Variants in BRD9 observed in about 807,000 individuals in gnomAD.
The protein encoded by BRD9 is bromodomain containing 9.
A neutral mutation model predicts 68.7 loss-of-function variants in BRD9; 47 were observed. The observed-to-expected ratio is 0.68, with a 90% confidence interval of 0.54 to 0.87. The LOEUF (loss-of-function observed/expected upper bound fraction) is 0.87, where lower values mean the gene tolerates loss of function less well. Among genes scored for constraint, BRD9 ranks in the 40% least tolerant of loss-of-function variants. The pLI is 0.00. For synonymous variants in BRD9, 313 were observed against 293.9 expected (o/e 1.06, Z -0.67); for missense variants, 670 against 748.4 (o/e 0.90, Z 1.22).
At chr5:884,142 A>G in intron 7 of BRD9, 72 bp from the exon 8 acceptor site, 1 of 1,572,614 alleles carries the variant, frequency 6.4e-7, no homozygotes, top group Non-Finnish European at 8.6e-7. Flanking sequence ...ATGCGTCGGC[A>G]CCTAACCCAG....
At position 887,378 on chromosome 5, in the gene BRD9, A is replaced by G; in HGVS notation, c.700T>C (p.Phe234Leu). The G allele has an allele frequency of 6.2e-7, 1 of 1,613,152 alleles. No homozygotes were observed. Among genetic ancestry groups the G allele is most frequent in the Non-Finnish European group, 8.5e-7 (1 of 1,179,126 alleles). ...KLAKKILHAG[F>L]KMMSKQAALL... ...TTTCTTACTTTGCTCATCATCTTAAAGCCTGCGTGAAGGATCTTCTTCGCC... is the reference window on the plus strand; with the variant it reads ...TTTCTTACTTTGCTCATCATCTTAAGGCCTGCGTGAAGGATCTTCTTCGCC... Residue 234 changes from phenylalanine (F) to leucine (L), a missense_variant, in exon 6 of 16, where the codon TTT becomes CTT. By Grantham distance (22) the Phe-to-Leu change is conservative. Coordinates refer to ENST00000467963, the MANE Select transcript of BRD9 (RefSeq NM_023924.5).
Position 892,680 on chromosome 5 carries a change from AGGCGGGGGCTGG to A in BRD9, c.-35_-24del. 2 of 1,398,558 alleles carry A rather than the reference AGGCGGGGGCTGG, an allele frequency of 1.4e-6. No individual in the cohort carries two copies. The highest frequency in any genetic ancestry group is 1.9e-6 in the Non-Finnish European group (2 of 1,075,258). The allele number at this position is 1,398,558 out of a possible 1,614,324, so 86.6% of individuals were successfully genotyped here. ...CATGGCGGCGCCGGCGGCGGGCCCGAGGCGGGGGCTGGGAACAGCTGGCACCCGGTCGGACCT... is the reference window on the plus strand; with the variant it reads ...CATGGCGGCGCCGGCGGCGGGCCCGAGAACAGCTGGCACCCGGTCGGACCT... On this transcript the variant is annotated 5_prime_UTR_variant, in exon 1 of 16. Transcript: ENST00000467963.
intron 7 of BRD9, among the ~76,000 whole-genome samples, chr5:884,271 A>T (rs1303300403): frequency 3.3e-5 from 5 of 152,236 alleles, no homozygotes; most frequent in African/African-American, 1.2e-4. Flanking sequence ...TTATTAAAAT[A>T]AAGGGTAAGT....
Position 878,228 on chromosome 5 carries a change from A to T in BRD9, c.1271+127T>A, listed in dbSNP as rs922824174. 5 of 1,360,498 alleles carry T rather than the reference A, an allele frequency of 3.7e-6. No homozygotes were observed. In the African/African-American group the frequency reaches 7.2e-5, roughly 20 times the overall value. 84.3% of individuals were successfully genotyped at this position (1,360,498 alleles called of 1,614,324 possible). ...ATGACTGAAAGCAACGGGAAGACCCAGGCTGCCATATGGACGGCTGCAAGA... is the reference window on the plus strand; with the variant it reads ...ATGACTGAAAGCAACGGGAAGACCCTGGCTGCCATATGGACGGCTGCAAGA... On this transcript the variant is annotated intron_variant, in intron 11 of 15. Transcript: ENST00000467963.
intron 3 of BRD9, 125 bp downstream of exon 3, chr5:891,030 G>A: frequency 8.0e-7 from 1 of 1,252,678 alleles, no homozygotes; most frequent in Admixed American, 2.9e-5. Flanking sequence ...CTGGGATGAG[G>A]CCCTGGAAAT....
At chr5:878,236 A>G in intron 11 of BRD9, 119 bp downstream of exon 11, 4 of 1,431,918 alleles carry the variant, frequency 2.8e-6, no homozygotes, top group Non-Finnish European at 2.9e-6. Flanking sequence ...CCAGGCTGCC[A>G]TATGGACGGC....
At chr5:877,496 G>C (rs1156619990) in intron 11 of BRD9, among the ~76,000 whole-genome samples, 2 of 152,188 alleles carry the variant, frequency 1.3e-5, no homozygotes, top group African/African-American at 4.8e-5. Context: ...ATAAAATGAA[G>C]ACCTGATATG....
At chr5:876,007 C>T (rs1402441976) in intron 12 of BRD9, 94 bp downstream of exon 12, 9 of 831,196 alleles carry the variant, frequency 1.1e-5, no homozygotes, top group Non-Finnish European at 1.5e-5. Context: ...GCGACAGCTC[C>T]TCGTCCCCGA....
At chr5:876,574 C>T (rs1400772776) in intron 11 of BRD9, among the ~76,000 whole-genome samples, 1 of 152,214 alleles carries the variant, frequency 6.6e-6, no homozygotes, top group African/African-American at 2.4e-5. Context: ...TGGGCAGTGC[C>T]TGCCGGTGAG....
intron 3 of BRD9, 50 bp downstream of exon 3, chr5:891,105 A>G (rs750178948): frequency 1.5e-5 from 23 of 1,496,130 alleles, no homozygotes; most frequent in Non-Finnish European, 1.8e-6. Context: ...CCCCTCATTT[A>G]CAACGATGAG....
Position 878,306 on chromosome 5 carries a change from A to G in BRD9, c.1271+49T>C, listed in dbSNP as rs73733934. ...GGGACTCCACGTCCCACACCAGGGCACAGCTCAAGCTGCACAGCAGCCAAG... is the reference window on the plus strand; with the variant it reads ...GGGACTCCACGTCCCACACCAGGGCGCAGCTCAAGCTGCACAGCAGCCAAG... On this transcript the variant is annotated intron_variant, in intron 11 of 15. Coordinates refer to ENST00000467963, the MANE Select transcript of BRD9 (RefSeq NM_023924.5). The G allele has an allele frequency of 0.011, 14,501 of 1,377,668 alleles. 652 individuals are homozygous for G. In the African/African-American group the frequency reaches 0.16, roughly 15 times the overall value. The allele number at this position is 1,377,668 out of a possible 1,614,324, so 85.3% of individuals were successfully genotyped here. A position where few individuals can be genotyped will look rare whatever the true frequency, so the allele number is the denominator to read the frequency against.
chr5:883,461 G>C, intron 8 of BRD9: 1 of 456,626 alleles, frequency 2.2e-6, no homozygotes, highest in Non-Finnish European at 4.4e-6. Flanking sequence ...CTGCCAGAAA[G>C]GAGAGCGTGG....
chr5:877,936 A>G (rs927650042), intron 11 of BRD9, among the ~76,000 whole-genome samples: 1 of 152,138 alleles, frequency 6.6e-6, no homozygotes, highest in South Asian at 2.1e-4. Context: ...AGACGGAAAG[A>G]CGGCACCTGC....
chr5:891,562 C>G lies in BRD9; in HGVS notation c.267+78G>C, dbSNP rs1221133475. On this transcript the variant is annotated intron_variant, in intron 2 of 15. Transcript: ENST00000467963. ...CCCCTCCTCCAGCCACGCAGGCGCACTCTGCCTGGGTCCTGGGACCAGGCT... is the reference window on the plus strand; with the variant it reads ...CCCCTCCTCCAGCCACGCAGGCGCAGTCTGCCTGGGTCCTGGGACCAGGCT... 14 of 1,509,658 alleles carry G rather than the reference C, an allele frequency of 9.3e-6. No individual in the cohort carries two copies. The East Asian group carries it at 1.7e-4, about 19-fold the overall frequency. 93.5% of individuals were successfully genotyped at this position (1,509,658 alleles called of 1,614,324 possible). A position where few individuals can be genotyped will look rare whatever the true frequency, so the allele number is the denominator to read the frequency against.
At chr5:865,703 C>CT in intron 14 of BRD9, 122 bp from the exon 15 acceptor site, 4 of 1,130,938 alleles carry the variant, frequency 3.5e-6, no homozygotes, top group Non-Finnish European at 5.0e-6. Context: ...GCTCTGGAAA[C>CT]TGAGTGGACG....
At chr5:873,668 G>A (rs547808775) in intron 12 of BRD9, among the ~76,000 whole-genome samples, 4 of 152,144 alleles carry the variant, frequency 2.6e-5, no homozygotes, top group African/African-American at 4.8e-5. Flanking sequence ...CTTGCTTGGC[G>A]CCCTGCAAAT....
In BRD9 at chr5:864,588, G is replaced by A; in HGVS notation, c.1694-20C>T. The A allele has an allele frequency of 1.2e-6, 2 of 1,607,928 alleles. No individual in the cohort carries two copies. Among genetic ancestry groups the A allele is most frequent in the South Asian group, 1.1e-5 (1 of 90,934 alleles). The stretch of plus-strand genomic sequence containing the variant: ...GGCTTCCTGCAATTTTCAGAACACA[G>A]GACTTCAACACACAGGACAGACCCG... On this transcript the variant is annotated intron_variant, in intron 15 of 15. Coordinates refer to ENST00000467963, the MANE Select transcript of BRD9 (RefSeq NM_023924.5).
Position 886,653 on chromosome 5 carries a change from C to G in BRD9, c.772G>C (p.Val258Leu), listed in dbSNP as rs1232950495. 6.2e-7 allele frequency: 1 copy of G among 1,614,094 alleles called. No homozygotes were observed. Among genetic ancestry groups the G allele is most frequent in the Non-Finnish European group, 8.5e-7 (1 of 1,180,028 alleles). Reference sequence around the variant, plus strand: ...GCAGTTTCTACTTGTACTGGTACAACTTCAGGGACAGGTTCCTCAACAGCT... The same window carrying G: ...GCAGTTTCTACTTGTACTGGTACAAGTTCAGGGACAGGTTCCTCAACAGCT... ...DTAVEEPVPE[V>L]VPVQVETAKK... The change falls in exon 7 of 16, where the codon GTT (valine) becomes CTT (leucine). Residue 258 changes from valine (V) to leucine (L), a missense_variant. Val to Leu is a conservative substitution (Grantham distance 32). Coordinates refer to ENST00000467963, the MANE Select transcript of BRD9 (RefSeq NM_023924.5).
rs753666729 is a variant in BRD9 at position 884,069 on chromosome 5, A to G, written c.835T>C (p.Cys279Arg). 3.1e-6 allele frequency: 5 copies of G among 1,612,888 alleles called. No individual in the cohort carries two copies. Among genetic ancestry groups the G allele is most frequent in the Non-Finnish European group, 4.2e-6 (5 of 1,179,682 alleles). Residue 279 changes from cysteine (C) to arginine (R), a missense_variant and splice_region_variant, in exon 8 of 16, where the codon TGC (cysteine) becomes CGC (arginine). By Grantham distance (180) the Cys-to-Arg change is radical. Coordinates refer to ENST00000467963, the MANE Select transcript of BRD9 (RefSeq NM_023924.5). ...SKKPSREVIS[C>R]MFEPEGNACS... is the part of the protein sequence containing the mutation. ...GCATTCCCTTCAGGCTCAAACATGCAGCTGTGAGGTGGGGACAACCAAGTC... is the reference window on the plus strand; with the variant it reads ...GCATTCCCTTCAGGCTCAAACATGCGGCTGTGAGGTGGGGACAACCAAGTC...
Sources: gnomAD v4.1 joint callset for allele counts (sites outside exome capture counted in the v4.1 genomes callset) on GRCh38, gnomAD v4.1.1 for gene constraint, MANE v1.5 for transcripts, NCBI Gene and HGNC (gene_info 2026-07-23, HGNC 2026-07-21) for gene names.